The following SUCLA2 variants were observed in gnomAD, a reference collection of about 807,000 sequenced individuals.
SUCLA2 encodes the protein succinate-CoA ligase ADP-forming subunit beta.
SUCLA2 carries 30 observed loss-of-function variants against 54.8 expected under a neutral mutation model. The ratio of observed to expected loss-of-function variants is 0.55; its 90% CI spans 0.41 to 0.74. The LOEUF is 0.74. SUCLA2 is among the 30% of genes least tolerant of loss of function. SUCLA2 has a pLI of 0.00. For missense variants in SUCLA2, 476 were observed against 562.9 expected (o/e 0.85, Z 1.56); for synonymous variants, 172 against 188.9 (o/e 0.91, Z 0.74).
intron 6 of SUCLA2, among the ~76,000 whole-genome samples, chr13:47,960,410 C>G (rs1431965574): frequency 1.3e-5 from 2 of 152,098 alleles, no homozygotes; most frequent in Non-Finnish European, 2.9e-5. Flanking sequence ...TTTAAGATTT[C>G]TGGCACACAC....
chr13:47,996,789 A>G (rs776483782), intron 2 of SUCLA2, 54 bp downstream of exon 2: 17 of 1,578,654 alleles, frequency 1.1e-5, no homozygotes, highest in Non-Finnish European at 1.5e-5. Context: ...ACAAACTTCA[A>G]ATCTTCTCAG....
chr13:47,964,034 G>T (rs551814436), intron 6 of SUCLA2, among the ~76,000 whole-genome samples: 1 of 152,278 alleles, frequency 6.6e-6, no homozygotes, highest in South Asian at 2.1e-4. Context: ...GTAGCAGCTT[G>T]TTGGTAATAG....
intron 2 of SUCLA2, among the ~76,000 whole-genome samples, chr13:47,989,758 C>G (rs1180950809): frequency 6.6e-6 from 1 of 152,006 alleles, no homozygotes; most frequent in Non-Finnish European, 1.5e-5. Flanking sequence ...GGGATATTAC[C>G]ATTACCAGTA....
chr13:47,979,647 T>G (rs901702231), intron 4 of SUCLA2, among the ~76,000 whole-genome samples: 4 of 152,012 alleles, frequency 2.6e-5, no homozygotes, highest in East Asian at 1.9e-4. Flanking sequence ...ATAATAAAAA[T>G]AAAAAAGAAA....
intron 8 of SUCLA2, among the ~76,000 whole-genome samples, chr13:47,953,345 T>G (rs1949791563): frequency 6.6e-6 from 1 of 152,188 alleles, no homozygotes. Flanking sequence ...ATAATTAGAT[T>G]GTCTTTAATA....
chr13:47,988,390 T>C lies in SUCLA2; in HGVS notation c.534+151A>G, dbSNP rs1950121634. The C allele has an allele frequency of 5.8e-6, 5 of 859,174 alleles. No homozygotes were observed. The South Asian group carries it at 7.9e-5, about 14-fold the overall frequency. 53.2% of individuals were successfully genotyped at this position (859,174 alleles called of 1,614,324 possible). On this transcript the variant is annotated intron_variant, in intron 4 of 10. Coordinates refer to ENST00000646932, the MANE Select transcript of SUCLA2 (RefSeq NM_003850.3). The stretch of plus-strand genomic sequence containing the variant: ...TTTTACGGCATTAAAGAAGCTGTTT[T>C]TTAAATGACATAAATATCATGCTCA...
chr13:47,944,056 CA>C (rs1223647894), intron 10 of SUCLA2, among the ~76,000 whole-genome samples: 2 of 151,542 alleles, frequency 1.3e-5, no homozygotes, highest in East Asian at 1.9e-4. Context: ...TGTCTAAGAC[CA>C]AAAAAACAAA....
chr13:48,000,093 C>T lies in SUCLA2; in HGVS notation c.90+1087G>A, dbSNP rs554119713. ...TCTATCGGGAAGCAAACTCACAGAA[C>T]TCACTACCCCTAGGCTGAAAGTATG... On this transcript the variant is annotated intron_variant, in intron 1 of 10. Coordinates refer to ENST00000646932, the MANE Select transcript of SUCLA2 (RefSeq NM_003850.3). Among the ~76,000 whole-genome samples the T allele has an allele frequency of 2.0e-5, 3 of 149,890 alleles. No homozygotes were observed. The East Asian group carries it at 5.8e-4, about 29-fold the overall frequency.
chr13:47,974,389 A>G (rs1044955305), intron 4 of SUCLA2, among the ~76,000 whole-genome samples: 1 of 152,194 alleles, frequency 6.6e-6, no homozygotes, highest in Non-Finnish European at 1.5e-5. Flanking sequence ...AGTCAAGACC[A>G]GCCTGGGCAA....
chr13:47,945,249 TAAA>T (rs35349385), intron 10 of SUCLA2, among the ~76,000 whole-genome samples: 21 of 85,180 alleles, frequency 2.5e-4, no homozygotes, highest in African/African-American at 5.1e-4. Flanking sequence ...AACTCTGTCT[TAAA>T]AAAAAAAAAA....
At position 47,964,868 on chromosome 13, in the gene SUCLA2, G is replaced by T. The variant is rs538182108; in HGVS notation, c.802+3727C>A. 2.0e-5 allele frequency among the ~76,000 whole-genome samples: 3 copies of T among 151,494 alleles called. No individual in the cohort carries two copies. In the East Asian group the frequency reaches 5.8e-4, roughly 29 times the overall value. On this transcript the variant is annotated intron_variant, in intron 6 of 10. Coordinates refer to ENST00000646932, the MANE Select transcript of SUCLA2 (RefSeq NM_003850.3). ...CAAGACCCCGTCTCAAAAAAAAAAT[G>T]TCATCACTGGGTGAAGGGCATGCAA...
intron 10 of SUCLA2, among the ~76,000 whole-genome samples, chr13:47,943,756 G>GTATATATA (rs760716282): frequency 3.3e-5 from 4 of 120,532 alleles, no homozygotes; most frequent in Admixed American, 2.5e-4. Flanking sequence ...GTGTGTGTGT[G>GTATATATA]TGTGTGTGTG....
intron 1 of SUCLA2, among the ~76,000 whole-genome samples, chr13:48,000,584 C>T (rs895687955): frequency 3.3e-5 from 5 of 152,158 alleles, no homozygotes; most frequent in Non-Finnish European, 5.9e-5. Context: ...AGAAATAAGG[C>T]TATACAAAAG....
intron 6 of SUCLA2, chr13:47,965,523 AAAAAACAAAG>A: frequency 2.5e-6 from 1 of 397,018 alleles, no homozygotes; most frequent in Non-Finnish European, 4.4e-6. Context: ...AAACAAAAAA[AAAAAACAAAG>A]AAAAACAGGA....
At chr13:47,998,105 CT>C (rs1047007644) in intron 1 of SUCLA2, among the ~76,000 whole-genome samples, 1 of 152,058 alleles carries the variant, frequency 6.6e-6, no homozygotes, top group Non-Finnish European at 1.5e-5. Flanking sequence ...TTTAGTGTCA[CT>C]TCAATATTAA....
intron 10 of SUCLA2, among the ~76,000 whole-genome samples, chr13:47,943,888 C>A (rs926223621): frequency 1.3e-5 from 2 of 151,718 alleles, no homozygotes; most frequent in Admixed American, 1.3e-4. Context: ...AGTATACAAT[C>A]TTAACTTAAA....
intron 10 of SUCLA2, among the ~76,000 whole-genome samples, chr13:47,946,333 G>A (rs1346829000): frequency 6.6e-6 from 1 of 152,094 alleles, no homozygotes; most frequent in Non-Finnish European, 1.5e-5. Context: ...CACATTCCCT[G>A]CAGATAAGGG....
Position 48,001,192 on chromosome 13 carries a change from C to A in SUCLA2, c.78G>T (p.Arg26=). The A allele has an allele frequency of 1.2e-6, 2 of 1,609,682 alleles. No homozygotes were observed. The change falls in exon 1 of 11, where the codon CGG becomes CGT. Residue 26 remains arginine (R), a synonymous_variant. Coordinates refer to ENST00000646932, the MANE Select transcript of SUCLA2 (RefSeq NM_003850.3). ...TGGAAGGCATTACCTGAGCAGCAGC[C>A]CGCTGGGCCGTCCGAGGCCGGTGGT... ...LRNHRPRTAQ[R]AAAQVLGSSG... is the part of the protein sequence containing the mutation.
chr13:47,994,513 A>G (rs937059069), intron 2 of SUCLA2, among the ~76,000 whole-genome samples: 1 of 147,194 alleles, frequency 6.8e-6, no homozygotes, highest in African/African-American at 2.5e-5. Context: ...GGTTGCAGTG[A>G]GCCGAGATCG....
Sources: allele counts gnomAD v4.1 joint callset (sites outside exome capture counted in the v4.1 genomes callset), GRCh38; gene constraint gnomAD v4.1.1; transcripts MANE v1.5; gene names NCBI Gene and HGNC (gene_info 2026-07-23, HGNC 2026-07-21).